The following HECA variants were observed in gnomAD, a reference collection of about 807,000 sequenced individuals.
The protein encoded by HECA is headcase protein homolog.
A neutral mutation model predicts 37.6 loss-of-function variants in HECA; 13 were observed. The ratio of observed to expected loss-of-function variants is 0.35; its 90% confidence interval spans 0.23 to 0.55. The LOEUF (loss-of-function observed/expected upper bound fraction) is 0.55, where lower values mean the gene tolerates loss of function less well. Among genes scored for constraint, HECA ranks in the 20% least tolerant of loss-of-function variants. The probability of loss-of-function intolerance (pLI) is 0.90; values close to 1 mark genes in which losing one functional copy is unlikely to be tolerated. For synonymous variants in HECA, 307 were observed against 291.5 expected (o/e 1.05, Z -0.54); for missense variants, 527 against 701.9 (o/e 0.75, Z 2.82).
At chr6:139,153,496 CA>C (rs1440083931) in intron 1 of HECA, among the ~76,000 whole-genome samples, 1 of 151,488 alleles carries the variant, frequency 6.6e-6, no homozygotes, top group East Asian at 1.9e-4. Flanking sequence ...GATCTCGGCT[CA>C]CTGCGGTCTC....
chr6:139,161,565 G>A (rs1219642675), intron 1 of HECA, among the ~76,000 whole-genome samples: 1 of 152,218 alleles, frequency 6.6e-6, no homozygotes, highest in East Asian at 1.9e-4. Context: ...TGTAGGAAGT[G>A]CTCAGTATTG....
At chr6:139,161,423 C>G (rs1416970507) in intron 1 of HECA, among the ~76,000 whole-genome samples, 1 of 152,088 alleles carries the variant, frequency 6.6e-6, no homozygotes, top group African/African-American at 2.4e-5. Context: ...GGTTAGGAAA[C>G]AGTGGAGCAT....
At chr6:139,136,504 T>C (rs1226449938) in intron 1 of HECA, among the ~76,000 whole-genome samples, 2 of 152,160 alleles carry the variant, frequency 1.3e-5, no homozygotes, top group Non-Finnish European at 2.9e-5. Flanking sequence ...TTTGAATTCC[T>C]CTAGTCAGGC....
At chr6:139,165,472 T>G (rs1774870296) in intron 1 of HECA, among the ~76,000 whole-genome samples, 1 of 152,180 alleles carries the variant, frequency 6.6e-6, no homozygotes, top group Non-Finnish European at 1.5e-5. Context: ...CTGTGGATTT[T>G]GACAAATGTA....
rs140600466 is a variant in HECA, at chr6:139,166,969, T to C, written c.957T>C (p.Asn319=). ...KAMAGGHVFR[N]AHFDYSPAGL... ...TGGCTGGGGGCCATGTGTTCAGAAA[T>C]GCCCACTTTGATTACAGCCCTGCGG... The change falls in exon 2 of 4, where the codon AAT becomes AAC. Residue 319 remains asparagine, a synonymous_variant. Transcript: ENST00000367658. 1 of 1,614,068 alleles carries C rather than the reference T, an allele frequency of 6.2e-7. No homozygotes were observed. Among genetic ancestry groups the C allele is most frequent in the Non-Finnish European group, 8.5e-7 (1 of 1,180,030 alleles).
intron 2 of HECA, among the ~76,000 whole-genome samples, chr6:139,171,038 T>C (rs1774965438): frequency 6.6e-6 from 1 of 151,890 alleles, no homozygotes; most frequent in Non-Finnish European, 1.5e-5. Context: ...TAGATAAAGG[T>C]GGGGAAAGGG....
At chr6:139,163,098 T>G (rs1312730443) in intron 1 of HECA, among the ~76,000 whole-genome samples, 1 of 152,232 alleles carries the variant, frequency 6.6e-6, no homozygotes, top group Non-Finnish European at 1.5e-5. Flanking sequence ...TCATTTTGGC[T>G]GGGACTTTTC....
intron 1 of HECA, among the ~76,000 whole-genome samples, chr6:139,163,061 G>A (rs184653607): frequency 2.7e-3 from 406 of 152,274 alleles, no homozygotes; most frequent in Middle Eastern, 0.014. Context: ...GCTGTTCTCC[G>A]TGAGGAGACA....
At chr6:139,143,992 G>A (rs1443760956) in intron 1 of HECA, among the ~76,000 whole-genome samples, 1 of 152,198 alleles carries the variant, frequency 6.6e-6, no homozygotes, top group Non-Finnish European at 1.5e-5. Flanking sequence ...ATTTGAAGAT[G>A]GAGAAGTCAA....
intron 1 of HECA, among the ~76,000 whole-genome samples, chr6:139,148,659 G>A (rs369038469): frequency 6.6e-6 from 1 of 152,044 alleles, no homozygotes; most frequent in African/African-American, 2.4e-5. Context: ...CCAGCTACTC[G>A]TGAGGCTGAG....
In HECA at chr6:139,166,649, A is replaced by G. The variant is rs145902743; in HGVS notation, c.637A>G (p.Arg213Gly). 28 of 1,614,182 alleles carry G rather than the reference A, an allele frequency of 1.7e-5. No homozygotes were observed. The highest frequency in any genetic ancestry group is 2.3e-5 in the Non-Finnish European group (27 of 1,180,026). ...GTCTGGCTCCGAGAAGAACACAGGG[A>G]GGCCTCCTGGTGAGGCGGCGGAGGA... ...KKSGSEKNTG[R>G]PPGEAAEEAK... The change falls in exon 2 of 4, where the codon AGG becomes GGG. Residue 213 changes from arginine (R) to glycine (G), a missense_variant. This residue lies in a region of HECA where 228 missense variants were observed against 259.8 expected (regional missense o/e 0.88). Transcript: ENST00000367658.
chr6:139,166,819 G>C lies in HECA; in HGVS notation c.807G>C (p.Pro269=). ...AYGARSPGGS[P]GQSPPTGYSI... ...GTGCCCGTTCCCCCGGTGGCTCCCC[G>C]GGCCAGTCCCCACCCACGGGCTACT... Residue 269 remains proline, a synonymous_variant, in exon 2 of 4, where the codon CCG becomes CCC. Transcript: ENST00000367658. The C allele has an allele frequency of 6.2e-7, 1 of 1,613,636 alleles. No individual in the cohort carries two copies. Among genetic ancestry groups the C allele is most frequent in the South Asian group, 1.1e-5 (1 of 91,064 alleles).
intron 2 of HECA, 71 bp from the exon 3 acceptor site, chr6:139,174,313 AT>A (rs1775020912): frequency 2.0e-6 from 3 of 1,501,564 alleles, no homozygotes; most frequent in Non-Finnish European, 2.7e-6. Context: ...TAGATGAAAC[AT>A]TTTTATCTCC....
chr6:139,135,507 AGCGGCGGCCGGGGGGGCCCTGGCG>A lies in HECA; in HGVS notation c.123_146del (p.Gly42_Gly49del), dbSNP rs1275307244. On this transcript the variant is annotated inframe_deletion, in exon 1 of 4. Coordinates refer to ENST00000367658, the MANE Select transcript of HECA (RefSeq NM_016217.3). ...CCCTGGCAGCGGCGGGCGCGGCGGG[AGCGGCGGCCGGGGGGGCCCTGGCG>A]GCGGCGGCCGGTTGCGGGGCGGCGG... The A allele has an allele frequency of 1.8e-5, 20 of 1,105,952 alleles. No homozygotes were observed. The highest frequency in any genetic ancestry group is 2.2e-5 in the Non-Finnish European group (20 of 898,108). The allele number at this position is 1,105,952 out of a possible 1,614,324, so 68.5% of individuals were successfully genotyped here.
intron 2 of HECA, among the ~76,000 whole-genome samples, chr6:139,169,180 T>C (rs1168651208): frequency 1.3e-5 from 2 of 152,106 alleles, no homozygotes. Flanking sequence ...ATTTTCACTT[T>C]TAAAAAATTC....
chr6:139,138,679 C>T (rs896521992), intron 1 of HECA, among the ~76,000 whole-genome samples: 3 of 152,096 alleles, frequency 2.0e-5, no homozygotes, highest in African/African-American at 2.4e-5. Context: ...GGGGAAGCCG[C>T]GGTATAGTTG....
chr6:139,169,262 TTTTATATATAATAAA>T (rs1186319349), intron 2 of HECA, among the ~76,000 whole-genome samples: 4 of 151,964 alleles, frequency 2.6e-5, no homozygotes, highest in African/African-American at 4.8e-5. Context: ...AACTCCTTTA[TTTTATATATAATAAA>T]GGATATATAA....
chr6:139,149,736 A>C (rs1774629672), intron 1 of HECA, among the ~76,000 whole-genome samples: 1 of 152,204 alleles, frequency 6.6e-6, no homozygotes, highest in Non-Finnish European at 1.5e-5. Flanking sequence ...GGGCAAGCCC[A>C]GTTTTTTGAA....
chr6:139,135,957 G>C (rs1774429827), intron 1 of HECA, among the ~76,000 whole-genome samples: 1 of 151,968 alleles, frequency 6.6e-6, no homozygotes, highest in South Asian at 2.1e-4. Context: ...GCCCGCGCTG[G>C]CACTGCCCCG....
Sources: allele counts gnomAD v4.1 joint callset (sites outside exome capture counted in the v4.1 genomes callset), GRCh38; gene constraint gnomAD v4.1.1; regional missense constraint gnomAD v4.1.1; transcripts MANE v1.5; gene names NCBI Gene and HGNC (gene_info 2026-07-23, HGNC 2026-07-21).